The following PPP2R2C variants were observed in gnomAD, a reference collection of about 807,000 sequenced individuals.
The protein encoded by PPP2R2C is protein phosphatase 2 regulatory subunit Bgamma.
Under a neutral mutation model 45.3 loss-of-function variants are expected in PPP2R2C, and 10 were observed. The observed-to-expected ratio is 0.22, with a 90% CI of 0.14 to 0.37. The LOEUF (loss-of-function observed/expected upper bound fraction) is 0.37, where lower values mean the gene tolerates loss of function less well. Ranked by LOEUF, PPP2R2C falls within the 10% of genes least tolerant of loss-of-function variation. PPP2R2C has a pLI of 1.00. For missense variants in PPP2R2C, 308 were observed against 619.7 expected, an observed-to-expected ratio of 0.50 and a Z score of 5.34; for synonymous variants, 257 against 245.4, an observed-to-expected ratio of 1.05 and a Z score of -0.44.
At chr4:6,507,277 G>C (rs185867550) in intron 2 of PPP2R2C, among the ~76,000 whole-genome samples, 1 of 152,186 alleles carries the variant, frequency 6.6e-6, no homozygotes, top group Non-Finnish European at 1.5e-5. Flanking sequence ...AAACTAAAAG[G>C]TTTGGCCTGG....
At chr4:6,357,976 G>GA (rs1713366370) in intron 5 of PPP2R2C, among the ~76,000 whole-genome samples, 1 of 152,062 alleles carries the variant, frequency 6.6e-6, no homozygotes, top group African/African-American at 2.4e-5. Flanking sequence ...CACAGAACTG[G>GA]AAAAAACTAC....
At chr4:6,338,039 T>TAC (rs138221913) in intron 6 of PPP2R2C, among the ~76,000 whole-genome samples, 145 of 151,064 alleles carry the variant, frequency 9.6e-4, no homozygotes, top group Non-Finnish European at 1.7e-3. Context: ...CACACACACA[T>TAC]ACACACACAC....
rs192801942 is a variant in PPP2R2C at position 6,409,108 on chromosome 4, C to G, written c.71-28014G>C. On this transcript the variant is annotated intron_variant, in intron 1 of 8. Coordinates refer to ENST00000382599, the MANE Select transcript of PPP2R2C (RefSeq NM_020416.4). ...AAACAGCAGTGTGTGTTCCCTGTGG[C>G]ACCCAGCATTGTGCAGCACCCATTG... 5.0e-3 allele frequency among the ~76,000 whole-genome samples: 761 copies of G among 152,206 alleles called. 5 individuals carry two copies. The highest frequency in any genetic ancestry group is 0.017 in the African/African-American group (698 of 41,526).
At chr4:6,532,709 G>A (rs1024286367) in intron 2 of PPP2R2C, among the ~76,000 whole-genome samples, 2 of 152,220 alleles carry the variant, frequency 1.3e-5, no homozygotes, top group Non-Finnish European at 1.5e-5. Context: ...GAAGGCACCT[G>A]TTCTTCCCAA....
chr4:6,418,469 C>T (rs893109705), intron 1 of PPP2R2C, among the ~76,000 whole-genome samples: 4 of 152,252 alleles, frequency 2.6e-5, no homozygotes, highest in African/African-American at 7.2e-5. Flanking sequence ...ATCACCAGCT[C>T]GCACGCTTAA....
intron 1 of PPP2R2C, among the ~76,000 whole-genome samples, chr4:6,445,822 AC>A (rs199996247): frequency 0.14 from 20,643 of 152,220 alleles, 1,477 homozygotes; most frequent in African/African-American, 0.17. Context: ...TAAATGTCTC[AC>A]ACCAACATGA....
chr4:6,391,991 CT>C (rs1443618903), intron 1 of PPP2R2C, among the ~76,000 whole-genome samples: 2 of 152,192 alleles, frequency 1.3e-5, no homozygotes, highest in African/African-American at 4.8e-5. Flanking sequence ...CATCACCTAG[CT>C]TGTGACCGAC....
chr4:6,551,630 G>A (rs1725188110), intron 1 of PPP2R2C, among the ~76,000 whole-genome samples: 1 of 152,222 alleles, frequency 6.6e-6, no homozygotes, highest in Non-Finnish European at 1.5e-5. Flanking sequence ...CATTGCACCA[G>A]GAAACTTGAG....
intron 2 of PPP2R2C, among the ~76,000 whole-genome samples, chr4:6,512,463 G>C (rs1429970676): frequency 1.7e-5 from 2 of 119,844 alleles, no homozygotes; most frequent in Non-Finnish European, 3.6e-5. Flanking sequence ...TGGTGGTGGT[G>C]ATTATGGTGG....
At chr4:6,497,362 C>T (rs985687885) in intron 2 of PPP2R2C, among the ~76,000 whole-genome samples, 2 of 152,150 alleles carry the variant, frequency 1.3e-5, no homozygotes, top group Admixed American at 6.6e-5. Flanking sequence ...AAAATGGAAT[C>T]CACACTGTGC....
intron 2 of PPP2R2C, chr4:6,535,234 C>T (rs529246812): frequency 2.7e-5 from 41 of 1,533,752 alleles, no homozygotes; most frequent in South Asian, 9.5e-5. Flanking sequence ...CCAAGCTCAC[C>T]GGCGCTGCTG....
chr4:6,481,978 C>CAAAAAAAA (rs59905632), intron 2 of PPP2R2C, among the ~76,000 whole-genome samples: 4 of 81,142 alleles, frequency 4.9e-5, no homozygotes, highest in Non-Finnish European at 8.7e-5. Context: ...GACTCCGTCT[C>CAAAAAAAA]AAAAAAAAAA....
chr4:6,323,290 A>G lies in PPP2R2C; in HGVS notation c.*12T>C, dbSNP rs949331463. Reference sequence around the variant, plus strand: ...ATGAGGCTGGGTGGCAGGGGCCGGGAACTGCACATACCTAGTGCATGTCAG... The same window carrying G: ...ATGAGGCTGGGTGGCAGGGGCCGGGGACTGCACATACCTAGTGCATGTCAG... On this transcript the variant is annotated 3_prime_UTR_variant, in exon 9 of 9. Coordinates refer to ENST00000382599, the MANE Select transcript of PPP2R2C (RefSeq NM_020416.4). 6.3e-7 allele frequency: 1 copy of G among 1,580,346 alleles called. No individual in the cohort carries two copies. Among genetic ancestry groups the G allele is most frequent in the South Asian group, 1.1e-5 (1 of 87,680 alleles).
intron 5 of PPP2R2C, among the ~76,000 whole-genome samples, chr4:6,358,049 C>T (rs1353923413): frequency 1.3e-5 from 2 of 152,150 alleles, no homozygotes; most frequent in African/African-American, 4.8e-5. Flanking sequence ...AGCAAAAGAA[C>T]AAAGCTGGAG....
At chr4:6,428,084 A>C (rs996387565) in intron 1 of PPP2R2C, among the ~76,000 whole-genome samples, 1 of 152,198 alleles carries the variant, frequency 6.6e-6, no homozygotes, top group Non-Finnish European at 1.5e-5. Flanking sequence ...CTGTAGGAGG[A>C]GCATCCCTAA....
intron 5 of PPP2R2C, among the ~76,000 whole-genome samples, chr4:6,371,161 G>C (rs1714797482): frequency 6.6e-6 from 1 of 152,228 alleles, no homozygotes; most frequent in African/African-American, 2.4e-5. Flanking sequence ...TACTCACCCA[G>C]GGTCACAAAG....
rs139308202 is a variant in PPP2R2C at position 6,342,532 on chromosome 4, T to A, written c.790+5314A>T. On this transcript the variant is annotated intron_variant, in intron 6 of 8. Transcript: ENST00000382599. The stretch of plus-strand genomic sequence containing the variant: ...TTCACCCAACACCGGGCCAGGCACG[T>A]CGTTGGGGGCCTATGAAGGGTCTTG... Among the ~76,000 whole-genome samples the A allele has an allele frequency of 1.2e-4, 18 of 152,320 alleles. No homozygotes were observed. The East Asian group carries it at 3.5e-3, about 29-fold the overall frequency.
At chr4:6,385,600 C>T (rs925125146) in intron 1 of PPP2R2C, among the ~76,000 whole-genome samples, 4 of 152,068 alleles carry the variant, frequency 2.6e-5, no homozygotes, top group Non-Finnish European at 4.4e-5. Context: ...GACAGAGTCT[C>T]ACTTTGTCAC....
intron 2 of PPP2R2C, among the ~76,000 whole-genome samples, chr4:6,483,113 G>GGATGGATA (rs1553903396): frequency 7.1e-6 from 1 of 140,762 alleles, no homozygotes; most frequent in Non-Finnish European, 1.6e-5. Context: ...ATAGATAAAT[G>GGATGGATA]GATAGATAGA....
Sources: gnomAD v4.1 joint callset for allele counts (sites outside exome capture counted in the v4.1 genomes callset) on GRCh38, gnomAD v4.1.1 for gene constraint, MANE v1.5 for transcripts, NCBI Gene and HGNC (gene_info 2026-07-23, HGNC 2026-07-21) for gene names.